C5AR1: variants seen among roughly 807,000 people sequenced by gnomAD.
C5AR1 encodes the protein C5a anaphylatoxin chemotactic receptor 1.
In C5AR1, 4 loss-of-function variants were observed where a neutral mutation model predicts 2.4. The ratio of observed to expected loss-of-function variants is 1.65; its 90% CI spans 0.81 to 3.77. The LOEUF (loss-of-function observed/expected upper bound fraction) is 3.77, where lower values mean the gene tolerates loss of function less well. Ranked by LOEUF, C5AR1 falls within the 30% of genes most tolerant of loss-of-function variation. The pLI is 0.01. For missense variants in C5AR1, 418 were observed against 462.5 expected, an observed-to-expected ratio of 0.90 and a Z score of 0.88; for synonymous variants, 209 against 210.4, an observed-to-expected ratio of 0.99 and a Z score of 0.06.
chr19:47,319,862 ACTT>A lies in C5AR1; in HGVS notation c.88_90del (p.Ser30del). The A allele has an allele frequency of 1.2e-6, 2 of 1,614,154 alleles. No homozygotes were observed. The highest frequency in any genetic ancestry group is 1.7e-6 in the Non-Finnish European group (2 of 1,180,010). On this transcript the variant is annotated inframe_deletion, in exon 2 of 2. Transcript: ENST00000355085. ...GGACCTCAACACCCCTGTGGATAAA[ACTT>A]CTAACACGCTGCGTGTTCCAGACAT...
intron 1 of C5AR1, among the ~76,000 whole-genome samples, chr19:47,310,823 A>T (rs931148201): frequency 4.6e-5 from 7 of 152,138 alleles, no homozygotes; most frequent in African/African-American, 1.7e-4. Flanking sequence ...CATGACAGAG[A>T]TGGGGAAACT....
upstream of C5AR1, among the ~76,000 whole-genome samples, chr19:47,308,240 A>G (rs544069475): frequency 2.0e-5 from 3 of 146,846 alleles, no homozygotes; most frequent in East Asian, 2.0e-4. Context: ...AAAAAAGAGC[A>G]TGAACCCTGT....
rs113635525 is a variant in C5AR1, at chr19:47,320,755, G to C, written c.978G>C (p.Glu326Asp). ...PSLLRNVLTE[E>D]SVVRESKSFT... ...TCCTCCGGAACGTGTTGACTGAAGA[G>C]TCCGTGGTTAGGGAGAGCAAGTCAT... Residue 326 changes from glutamate (E) to aspartate (D), a missense_variant, in exon 2 of 2, where the codon GAG becomes GAC. Physicochemically the swap from Glu to Asp is conservative, Grantham distance 45. Transcript: ENST00000355085. This position sits in a 1 kb window ranked among gnomAD's most constrained non-coding sequence, Gnocchi z 4.9. 2.9e-5 allele frequency: 47 copies of C among 1,614,038 alleles called. No homozygotes were observed. The African/African-American group carries it at 4.5e-4, about 16-fold the overall frequency.
At chr19:47,310,587 C>T (rs1184283976) in intron 1 of C5AR1, among the ~76,000 whole-genome samples, 1 of 152,126 alleles carries the variant, frequency 6.6e-6, no homozygotes, top group East Asian at 1.9e-4. Flanking sequence ...AACTCTTGGG[C>T]TCAAGTGATC....
intron 1 of C5AR1, among the ~76,000 whole-genome samples, chr19:47,313,112 C>T (rs755712871): frequency 1.3e-3 from 195 of 151,588 alleles, no homozygotes; most frequent in Non-Finnish European, 2.3e-3. Context: ...TAGCTGGTAT[C>T]ACAGGTGCGT....
chr19:47,308,921 C>T (rs12609707), upstream of C5AR1, among the ~76,000 whole-genome samples: 2 of 151,954 alleles, frequency 1.3e-5, no homozygotes. Context: ...ATTACAGGCA[C>T]CTGCCACCAC....
intron 1 of C5AR1, among the ~76,000 whole-genome samples, chr19:47,310,653 G>A (rs2059266741): frequency 6.6e-6 from 1 of 152,112 alleles, no homozygotes; most frequent in African/African-American, 2.4e-5. Context: ...ACTATGTCCG[G>A]CTAATTTTTA....
At position 47,321,853 on chromosome 19, in the gene C5AR1, A is replaced by G. The variant is rs1174011393; in HGVS notation, c.*1023A>G. 1 of 152,078 alleles carries G rather than the reference A, an allele frequency of 6.6e-6. No individual in the cohort carries two copies. Among genetic ancestry groups the G allele is most frequent in the African/African-American group, 2.4e-5 (1 of 41,394 alleles). 9.4% of individuals were successfully genotyped at this position (152,078 alleles called of 1,614,324 possible). A position where few individuals can be genotyped will look rare whatever the true frequency, so the allele number is the denominator to read the frequency against. On this transcript the variant is annotated 3_prime_UTR_variant, in exon 2 of 2. Coordinates refer to ENST00000355085, the MANE Select transcript of C5AR1 (RefSeq NM_001736.4). Reference sequence around the variant, plus strand: ...TACAGTGAAGATACAGGACATTCTCATCACCACAGGGATCCCCAGGATGCC... The same window carrying G: ...TACAGTGAAGATACAGGACATTCTCGTCACCACAGGGATCCCCAGGATGCC...
At chr19:47,317,357 A>C (rs200268157) in intron 1 of C5AR1, among the ~76,000 whole-genome samples, 2 of 151,696 alleles carry the variant, frequency 1.3e-5, no homozygotes, top group East Asian at 3.9e-4. Context: ...AAACATTAAA[A>C]ATTAGCTGGG....
At chr19:47,313,372 C>T (rs1486393501) in intron 1 of C5AR1, among the ~76,000 whole-genome samples, 2 of 152,246 alleles carry the variant, frequency 1.3e-5, no homozygotes, top group South Asian at 4.1e-4. Context: ...TGTGCACCAC[C>T]TGCCCTTCCT....
intron 1 of C5AR1, among the ~76,000 whole-genome samples, chr19:47,313,167 G>A (rs577762660): frequency 3.3e-5 from 5 of 151,866 alleles, no homozygotes; most frequent in Non-Finnish European, 5.9e-5. Context: ...TAGTAGAGAC[G>A]GGATTTCACC....
intron 1 of C5AR1, among the ~76,000 whole-genome samples, chr19:47,317,811 T>A (rs1390287696): frequency 6.6e-6 from 1 of 151,736 alleles, no homozygotes; most frequent in Non-Finnish European, 1.5e-5. Flanking sequence ...TGGAACCCTG[T>A]CTCTACTAAA....
chr19:47,318,799 G>A (rs2059298109), intron 1 of C5AR1, among the ~76,000 whole-genome samples: 1 of 151,746 alleles, frequency 6.6e-6, no homozygotes, highest in South Asian at 2.1e-4. Context: ...CAGCTGCCAT[G>A]GACTGCAGCC....
rs868502284 is a variant in C5AR1 at position 47,312,007 on chromosome 19, G to A, written c.3+2109G>A. ...CAAAGTAAGGACTAGTGTGATGCGG[G>A]GAACCCCAAAACCGAGCTCAGCTTC... On this transcript the variant is annotated intron_variant, in intron 1 of 1. Coordinates refer to ENST00000355085, the MANE Select transcript of C5AR1 (RefSeq NM_001736.4). 3.3e-5 allele frequency among the ~76,000 whole-genome samples: 5 copies of A among 152,172 alleles called. 1 individual carries two copies. In the South Asian group the frequency reaches 8.3e-4, roughly 25 times the overall value.
upstream of C5AR1, chr19:47,309,786 CAG>C: frequency 8.1e-7 from 1 of 1,232,492 alleles, no homozygotes. Flanking sequence ...ATGAGAGCCC[CAG>C]AGAGAAAGAC....
chr19:47,320,171 G>A lies in C5AR1; in HGVS notation c.394G>A (p.Ala132Thr), dbSNP rs200066829. 1.9e-5 allele frequency: 31 copies of A among 1,614,156 alleles called. No individual in the cohort carries two copies. Among genetic ancestry groups the A allele is most frequent in the Non-Finnish European group, 2.5e-5 (30 of 1,180,032 alleles). ...CATCCTGCTCCTGGCCACCATCAGC[G>A]CCGACCGCTTTCTGCTGGTGTTTAA... ...ASILLLATIS[A>T]DRFLLVFKPI... is the part of the protein sequence containing the mutation. Residue 132 changes from alanine (A) to threonine (T), a missense_variant, in exon 2 of 2, where the codon GCC becomes ACC. Ala to Thr is a moderately conservative substitution (Grantham distance 58). Coordinates refer to ENST00000355085, the MANE Select transcript of C5AR1 (RefSeq NM_001736.4). This position sits in a 1 kb window ranked among gnomAD's most constrained non-coding sequence, Gnocchi z 4.9.
chr19:47,320,227 T>A lies in C5AR1; in HGVS notation c.450T>A (p.Ala150=), dbSNP rs4804049. ...KPIWCQNFRG[A]GLAWIACAVA... is the part of the protein sequence containing the mutation. ...TCTGGTGCCAGAACTTCCGAGGGGCTGGCTTGGCCTGGATCGCCTGTGCCG... is the reference window on the plus strand; with the variant it reads ...TCTGGTGCCAGAACTTCCGAGGGGCAGGCTTGGCCTGGATCGCCTGTGCCG... Residue 150 remains alanine (A), a synonymous_variant, in exon 2 of 2, where the codon GCT becomes GCA. Coordinates refer to ENST00000355085, the MANE Select transcript of C5AR1 (RefSeq NM_001736.4). The surrounding 1 kb of genome is among the most constrained non-coding windows in gnomAD (Gnocchi z 4.9). 6.2e-7 allele frequency: 1 copy of A among 1,614,018 alleles called. No homozygotes were observed. The highest frequency in any genetic ancestry group is 8.5e-7 in the Non-Finnish European group (1 of 1,180,048).
At chr19:47,316,314 A>C (rs577631341) in intron 1 of C5AR1, among the ~76,000 whole-genome samples, 3 of 151,960 alleles carry the variant, frequency 2.0e-5, no homozygotes, top group Middle Eastern at 6.8e-3. Context: ...TCTATCATCT[A>C]TCTCTCAATC....
At chr19:47,314,498 A>C (rs1360272386) in intron 1 of C5AR1, among the ~76,000 whole-genome samples, 1 of 152,002 alleles carries the variant, frequency 6.6e-6, no homozygotes, top group African/African-American at 2.4e-5. Flanking sequence ...CCCGGGTTCC[A>C]GTGATTCTTC....
Sources: gnomAD v4.1 joint callset for allele counts (sites outside exome capture counted in the v4.1 genomes callset) on GRCh38, gnomAD v4.1.1 for gene constraint, Gnocchi (gnomAD v3.1) non-coding constraint, MANE v1.5 for transcripts, NCBI Gene and HGNC (gene_info 2026-07-23, HGNC 2026-07-21) for gene names.